Variants in MYCBP2 observed in about 807,000 individuals in gnomAD.
MYCBP2 encodes E3 ubiquitin-protein ligase MYCBP2.
Under a neutral mutation model 525.3 loss-of-function variants are expected in MYCBP2, and 120 were observed. The ratio of observed to expected loss-of-function variants is 0.23; its 90% CI spans 0.20 to 0.27. The LOEUF (loss-of-function observed/expected upper bound fraction) is 0.27, where lower values mean the gene tolerates loss of function less well. Among genes scored for constraint, MYCBP2 ranks in the 10% least tolerant of loss-of-function variants. MYCBP2 has a pLI of 1.00. For missense variants in MYCBP2, 4,149 were observed against 5,657.1 expected, an observed-to-expected ratio of 0.73 and a Z score of 8.55; for synonymous variants, 1,894 against 1,955.8, an observed-to-expected ratio of 0.97 and a Z score of 0.83.
chr13:77,225,595 T>A (rs1191803242), intron 18 of MYCBP2, 41 bp from the exon 19 acceptor site: 2 of 1,602,820 alleles, frequency 1.2e-6, no homozygotes, highest in Non-Finnish European at 1.7e-6. Context: ...TAAGCCATTA[T>A]TCATCTTCAA....
At chr13:77,223,363 C>A (rs1011371072) in intron 20 of MYCBP2, among the ~76,000 whole-genome samples, 1 of 152,196 alleles carries the variant, frequency 6.6e-6, no homozygotes, top group African/African-American at 2.4e-5. Context: ...ATTCTTCCTT[C>A]TCTTTCTCCT....
In MYCBP2 at chr13:77,064,643, G is replaced by A. The variant is rs752888680; in HGVS notation, c.12644C>T (p.Ser4215Phe). 3.1e-6 allele frequency: 5 copies of A among 1,613,176 alleles called. No individual in the cohort carries two copies. The South Asian group carries it at 4.4e-5, about 14-fold the overall frequency. Reference protein sequence around the residue: ...ALTKMEEEFRSPVRCIATTRL... With the variant: ...ALTKMEEEFRFPVRCIATTRL... ...AGTTGTTGCAATACATCTCACTGGA[G>A]ACCTAAATTCTTCTTCCATCTTGGT... Residue 4215 changes from serine (S) to phenylalanine (F), a missense_variant, in exon 73 of 83, where the codon TCT (serine) becomes TTT (phenylalanine). Coordinates refer to ENST00000544440, the MANE Select transcript of MYCBP2 (RefSeq NM_015057.5).
At position 77,078,866 on chromosome 13, in the gene MYCBP2, G is replaced by A. The variant is rs1403800605; in HGVS notation, c.11442C>T (p.Phe3814=). The A allele has an allele frequency of 6.2e-7, 1 of 1,613,430 alleles. No individual in the cohort carries two copies. The highest frequency in any genetic ancestry group is 8.5e-7 in the Non-Finnish European group (1 of 1,179,618). ...AATCTTCTACTGCTTTGCCAGTTAA[G>A]AAGGTCATTGAGGTAACTTTATTCT... The part of the protein sequence containing the change: ...DLGNKVTSMT[F]LTGKAVEDLC... The change falls in exon 66 of 83, where the codon TTC becomes TTT. Residue 3814 remains phenylalanine (F), a synonymous_variant. Transcript: ENST00000544440.
intron 5 of MYCBP2, among the ~76,000 whole-genome samples, chr13:77,272,152 T>C (rs2074988488): frequency 6.6e-6 from 1 of 152,348 alleles, no homozygotes; most frequent in Non-Finnish European, 1.5e-5. Context: ...GCTACGCTAT[T>C]TGACAGCTCT....
In MYCBP2 at chr13:77,098,656, C is replaced by T. The variant is rs1227870177; in HGVS notation, c.8498G>A (p.Ser2833Asn). ...GCGTGGAGAACTAGCACCCGATGGG[C>T]TAGACCTATTGGCTGGGAGAGTCTT... is the stretch of plus-strand genomic sequence containing the variant. ...KPKTLPANRS[S>N]PSGASSPRSS... Residue 2833 changes from serine to asparagine, a missense_variant, in exon 56 of 83, where the codon AGC becomes AAC. Physicochemically the swap from Ser to Asn is conservative, Grantham distance 46 (BLOSUM62 1). This residue lies in a region of MYCBP2 where 653 missense variants were observed against 744.7 expected (regional missense o/e 0.88). Transcript: ENST00000544440. 6.2e-7 allele frequency: 1 copy of T among 1,613,628 alleles called. No individual in the cohort carries two copies. Among genetic ancestry groups the T allele is most frequent in the Admixed American group, 1.7e-5 (1 of 59,954 alleles).
rs767194694 is a variant in MYCBP2, at chr13:77,098,659, G to C, written c.8495C>G (p.Ser2832Cys). 1.4e-5 allele frequency: 23 copies of C among 1,613,668 alleles called. No individual in the cohort carries two copies. In the South Asian group the frequency reaches 2.3e-4, roughly 16 times the overall value. Reference sequence around the variant, plus strand: ...TGGAGAACTAGCACCCGATGGGCTAGACCTATTGGCTGGGAGAGTCTTTGG... The same window carrying C: ...TGGAGAACTAGCACCCGATGGGCTACACCTATTGGCTGGGAGAGTCTTTGG... ...PKPKTLPANR[S>C]SPSGASSPRS... Residue 2832 changes from serine to cysteine, a missense_variant, in exon 56 of 83, where the codon TCT (serine) becomes TGT (cysteine). Around this residue, in one of 21 missense-constraint regions of MYCBP2, gnomAD observed 653 missense variants for 744.7 expected, o/e 0.88. Transcript: ENST00000544440.
In MYCBP2 at chr13:77,168,640, C is replaced by T; in HGVS notation, c.5902G>A (p.Val1968Ile). 1 of 1,614,060 alleles carries T rather than the reference C, an allele frequency of 6.2e-7. No homozygotes were observed. The highest frequency in any genetic ancestry group is 8.5e-7 in the Non-Finnish European group (1 of 1,179,974). ...PVAAAIPKVA[V>I]EVFGLVQQLL... ...TGTTGGACAAGGCCAAAGACTTCTA[C>T]AGCCACCTAGTACACATATAAAAAT... Residue 1968 changes from valine to isoleucine, a missense_variant, in exon 40 of 83, where the codon GTA (valine) becomes ATA (isoleucine). Coordinates refer to ENST00000544440, the MANE Select transcript of MYCBP2 (RefSeq NM_015057.5).
intron 4 of MYCBP2, among the ~76,000 whole-genome samples, chr13:77,275,435 C>A (rs2075420389): frequency 6.6e-6 from 1 of 152,158 alleles, no homozygotes. Flanking sequence ...TTACTAAATG[C>A]TGTTATTTCT....
chr13:77,121,514 C>T lies in MYCBP2; in HGVS notation c.8018-19G>A, dbSNP rs200013434. 1.8e-5 allele frequency: 28 copies of T among 1,540,496 alleles called. No homozygotes were observed. Among genetic ancestry groups the T allele is most frequent in the Non-Finnish European group, 1.9e-5 (22 of 1,136,218 alleles). On this transcript the variant is annotated intron_variant, in intron 54 of 82. Transcript: ENST00000544440. The stretch of plus-strand genomic sequence containing the variant: ...GCTTGTTCTACAATAAAAGCCATAG[C>T]TGTAACATTAGTTTCTTACGTGCTA...
At chr13:77,120,517 C>A (rs2050508077) in intron 55 of MYCBP2, among the ~76,000 whole-genome samples, 1 of 152,076 alleles carries the variant, frequency 6.6e-6, no homozygotes, top group African/African-American at 2.4e-5. Context: ...GGAATCAAGT[C>A]CTGTGAATTA....
rs114568195 is a variant in MYCBP2 at position 77,129,104 on chromosome 13, T to C, written c.7660-2562A>G. ...GGTTTTAAAGACACAAAATTTGTTA[T>C]ACATGCTGAAATACCTGAATAAAAT... On this transcript the variant is annotated intron_variant, in intron 52 of 82. Transcript: ENST00000544440. 3.0e-3 allele frequency: 1,185 copies of C among 396,890 alleles called. 10 individuals are homozygous for C. The highest frequency in any genetic ancestry group is 0.022 in the African/African-American group (1,058 of 48,644). The allele number at this position is 396,890 out of a possible 1,614,324, so 24.6% of individuals were successfully genotyped here.
intron 46 of MYCBP2, among the ~76,000 whole-genome samples, chr13:77,154,410 A>G (rs1273434874): frequency 2.0e-5 from 3 of 151,474 alleles, no homozygotes; most frequent in Admixed American, 6.6e-5. Context: ...AGAGGGAAGA[A>G]GAGAGGAAAA....
intron 20 of MYCBP2, among the ~76,000 whole-genome samples, chr13:77,221,707 G>A (rs994217704): frequency 7.2e-5 from 11 of 152,046 alleles, no homozygotes; most frequent in African/African-American, 2.7e-4. Flanking sequence ...CAATAGCCAC[G>A]ATGATACAAA....
intron 81 of MYCBP2, 116 bp downstream of exon 81, chr13:77,051,695 A>G (rs528502021): frequency 1.3e-5 from 9 of 672,972 alleles, no homozygotes; most frequent in Admixed American, 3.0e-5. Flanking sequence ...CACTGAACAA[A>G]TATCAGAAAA....
intron 20 of MYCBP2, among the ~76,000 whole-genome samples, chr13:77,220,947 T>A (rs149487974): frequency 6.6e-6 from 1 of 152,156 alleles, no homozygotes; most frequent in Non-Finnish European, 1.5e-5. Context: ...TACCACTCAA[T>A]GGAACAAGGA....
chr13:77,267,896 T>C lies in MYCBP2; in HGVS notation c.1302A>G (p.Thr434=), dbSNP rs1567104666. The C allele has an allele frequency of 6.2e-7, 1 of 1,613,898 alleles. No homozygotes were observed. The highest frequency in any genetic ancestry group is 8.5e-7 in the Non-Finnish European group (1 of 1,179,892). ...GTGTTTCAGGGCTTATCCTTATGGC[T>C]GTCATGCTGTGGTTATTCACATCTC... The part of the protein sequence containing the change: ...LYRDVNNHSM[T]AIRISPETLE... The change falls in exon 8 of 83, where the codon ACA becomes ACG. Residue 434 remains threonine (T), a synonymous_variant. Coordinates refer to ENST00000544440, the MANE Select transcript of MYCBP2 (RefSeq NM_015057.5).
chr13:77,149,386 CT>C (rs544204271), intron 47 of MYCBP2, among the ~76,000 whole-genome samples: 328 of 143,000 alleles, frequency 2.3e-3, no homozygotes, highest in Middle Eastern at 3.7e-3. Context: ...GCTTGGAAAT[CT>C]TTTTTTTTTT....
At chr13:77,252,911 A>T (rs967398447) in intron 14 of MYCBP2, among the ~76,000 whole-genome samples, 7 of 152,118 alleles carry the variant, frequency 4.6e-5, no homozygotes, top group Non-Finnish European at 7.4e-5. Flanking sequence ...CCAATACTGG[A>T]ACTATTATCC....
chr13:77,188,709 T>C (rs937957679), intron 30 of MYCBP2, among the ~76,000 whole-genome samples: 4 of 152,224 alleles, frequency 2.6e-5, no homozygotes, highest in Non-Finnish European at 4.4e-5. Context: ...AAATCGTTAT[T>C]TGTTTCAAAA....
Sources: allele counts gnomAD v4.1 joint callset (sites outside exome capture counted in the v4.1 genomes callset), GRCh38; gene constraint gnomAD v4.1.1; regional missense constraint gnomAD v4.1.1; transcripts MANE v1.5; gene names NCBI Gene and HGNC (gene_info 2026-07-23, HGNC 2026-07-21).